The following MIR2052HG variants were observed in gnomAD, a reference collection of about 807,000 sequenced individuals.
MIR2052HG encodes the protein MIR2052 host gene.
chr8:74,621,079 A>G (rs757309597), intron 2 of MIR2052HG, among the ~76,000 whole-genome samples: 45 of 152,170 alleles, frequency 3.0e-4, no homozygotes, highest in Non-Finnish European at 2.6e-4. Context: ...TGCAGTTGCC[A>G]AAAAGTTCCT....
chr8:74,634,669 C>A (rs1422978007), intron 2 of MIR2052HG, among the ~76,000 whole-genome samples: 1 of 152,086 alleles, frequency 6.6e-6, no homozygotes, highest in East Asian at 1.9e-4. Flanking sequence ...TGAGTAAAGA[C>A]ATTATCTTTA....
intron 2 of MIR2052HG, among the ~76,000 whole-genome samples, chr8:74,670,457 T>G (rs1808979516): frequency 6.6e-6 from 1 of 152,176 alleles, no homozygotes; most frequent in Non-Finnish European, 1.5e-5. Flanking sequence ...AAATATCTCT[T>G]TAAATTTATA....
chr8:74,707,349 A>G (rs537561193), intron 4 of MIR2052HG, among the ~76,000 whole-genome samples: 1 of 152,300 alleles, frequency 6.6e-6, no homozygotes, highest in East Asian at 1.9e-4. Flanking sequence ...AGCCACTGTT[A>G]TAAATACAAA....
intron 2 of MIR2052HG, among the ~76,000 whole-genome samples, chr8:74,696,131 A>T (rs970484687): frequency 6.6e-6 from 1 of 152,214 alleles, no homozygotes; most frequent in Non-Finnish European, 1.5e-5. Context: ...ACTTTCTCAG[A>T]CCACAGTGGA....
chr8:74,714,608 C>T (rs1809501786), intron 4 of MIR2052HG, among the ~76,000 whole-genome samples: 1 of 151,082 alleles, frequency 6.6e-6, no homozygotes, highest in Non-Finnish European at 1.5e-5. Context: ...ATTGTGTGTG[C>T]TAGAATTTCA....
At position 74,656,624 on chromosome 8, in the gene MIR2052HG, C is replaced by T. The variant is rs566667162; in HGVS notation, n.216+43684C>T. Among the ~76,000 whole-genome samples, 31 of 152,132 alleles carry T rather than the reference C, an allele frequency of 2.0e-4. No homozygotes were observed. In the South Asian group the frequency reaches 6.0e-3, roughly 30 times the overall value. ...GTCCAATTAAACCATTTTTTCTTCCCAGTCTTGGGTATGTCTTTATCAGCA... is the reference window on the plus strand; with the variant it reads ...GTCCAATTAAACCATTTTTTCTTCCTAGTCTTGGGTATGTCTTTATCAGCA... On this transcript the variant is annotated intron_variant and non_coding_transcript_variant, in intron 2 of 6. Coordinates refer to ENST00000523442, the Ensembl canonical transcript of MIR2052HG.
chr8:74,664,295 A>G (rs1009686130), intron 2 of MIR2052HG, among the ~76,000 whole-genome samples: 2 of 152,176 alleles, frequency 1.3e-5, no homozygotes, highest in African/African-American at 4.8e-5. Flanking sequence ...AGAAAAAAAA[A>G]GATTCTCCAG....
At chr8:74,695,866 A>G (rs372782122) in intron 2 of MIR2052HG, among the ~76,000 whole-genome samples, 15 of 152,142 alleles carry the variant, frequency 9.9e-5, no homozygotes, top group African/African-American at 3.4e-4. Context: ...ACAGCAACAC[A>G]ATAATAGTGG....
intron 2 of MIR2052HG, among the ~76,000 whole-genome samples, chr8:74,664,074 A>G (rs1808894269): frequency 6.6e-6 from 1 of 152,154 alleles, no homozygotes; most frequent in Admixed American, 6.5e-5. Flanking sequence ...TTAAGCTATG[A>G]GTAGGCAAAG....
chr8:74,632,755 T>C (rs909528011), intron 2 of MIR2052HG, among the ~76,000 whole-genome samples: 7 of 152,156 alleles, frequency 4.6e-5, no homozygotes, highest in Non-Finnish European at 1.0e-4. Context: ...ATAATTATCA[T>C]GGGAACTGGA....
intron 2 of MIR2052HG, among the ~76,000 whole-genome samples, chr8:74,678,121 G>A (rs1040350401): frequency 1.2e-4 from 19 of 152,208 alleles, no homozygotes; most frequent in South Asian, 8.3e-4. Context: ...AATTTGAATT[G>A]CCCTAAAATC....
intron 2 of MIR2052HG, among the ~76,000 whole-genome samples, chr8:74,693,580 C>T (rs1217221535): frequency 8.5e-6 from 1 of 117,400 alleles, no homozygotes; most frequent in Non-Finnish European, 1.6e-5. Context: ...CATCTGCTGC[C>T]TGGAAATAAA....
At chr8:74,703,164 T>C (rs1443312363) in intron 3 of MIR2052HG, among the ~76,000 whole-genome samples, 1 of 151,962 alleles carries the variant, frequency 6.6e-6, no homozygotes, top group African/African-American at 2.4e-5. Context: ...CCCTTGGGGA[T>C]TGTTGGTAGC....
intron 4 of MIR2052HG, among the ~76,000 whole-genome samples, chr8:74,707,296 GCTGAAAGT>G (rs1332229865): frequency 6.6e-6 from 1 of 152,082 alleles, no homozygotes; most frequent in Admixed American, 6.6e-5. Context: ...CCCAGGAGAG[GCTGAAAGT>G]CTTCTTCAGA....
At chr8:74,656,385 G>A (rs193158900) in intron 2 of MIR2052HG, among the ~76,000 whole-genome samples, 8 of 152,220 alleles carry the variant, frequency 5.3e-5, no homozygotes, top group African/African-American at 1.7e-4. Flanking sequence ...ATTCCCCTGT[G>A]TTGTGGGAGG....
At chr8:74,608,660 A>G (rs1458075209) in intron 1 of MIR2052HG, among the ~76,000 whole-genome samples, 1 of 152,184 alleles carries the variant, frequency 6.6e-6, no homozygotes, top group Non-Finnish European at 1.5e-5. Context: ...GAAATCATGA[A>G]TAGAAAAATC....
At chr8:74,625,295 T>G (rs2128733278) in intron 2 of MIR2052HG, 1 of 152,336 alleles carries the variant, frequency 6.6e-6, no homozygotes, top group Non-Finnish European at 1.5e-5. Flanking sequence ...AACTCCTGCC[T>G]TCAAGCAATC....
chr8:74,706,257 G>C (rs1414448878), intron 4 of MIR2052HG, among the ~76,000 whole-genome samples: 1 of 152,066 alleles, frequency 6.6e-6, no homozygotes, highest in Non-Finnish European at 1.5e-5. Flanking sequence ...ACACAGACTT[G>C]AGTAGTTGTA....
At chr8:74,661,774 C>T (rs1210488949) in intron 2 of MIR2052HG, among the ~76,000 whole-genome samples, 1 of 152,124 alleles carries the variant, frequency 6.6e-6, no homozygotes. Flanking sequence ...GAGCTTGTGA[C>T]TGAGAAACAG....
Sources: gnomAD v4.1 joint callset for allele counts (sites outside exome capture counted in the v4.1 genomes callset) on GRCh38, gnomAD v4.1.1 for gene constraint, MANE v1.5 for transcripts, NCBI Gene and HGNC (gene_info 2026-07-23, HGNC 2026-07-21) for gene names.